Variants in NAALADL2 observed in about 807,000 individuals in gnomAD.
The protein encoded by NAALADL2 is N-acetylated alpha-linked acidic dipeptidase like 2.
NAALADL2 carries 76 observed loss-of-function variants against 87.2 expected under a neutral mutation model. The observed-to-expected ratio is 0.87, with a 90% CI of 0.72 to 1.05. The LOEUF is 1.05. Among genes scored for constraint, NAALADL2 ranks in the 50% least tolerant of loss-of-function variants. NAALADL2 has a pLI of 0.00. For synonymous variants in NAALADL2, 354 were observed against 331.0 expected (o/e 1.07, Z -0.75); for missense variants, 1,089 against 945.8 (o/e 1.15, Z -1.99).
intron 4 of NAALADL2, among the ~76,000 whole-genome samples, chr3:175,293,444 C>G (rs1461516038): frequency 6.6e-6 from 1 of 152,128 alleles, no homozygotes; most frequent in Non-Finnish European, 1.5e-5. Flanking sequence ...GATGGGCAAA[C>G]TGTTTTTTCT....
chr3:175,679,026 T>A lies in NAALADL2; in HGVS notation c.1896+51640T>A, dbSNP rs114509256. 8.4e-4 allele frequency among the ~76,000 whole-genome samples: 127 copies of A among 151,364 alleles called. 1 individual carries two copies. The highest frequency in any genetic ancestry group is 2.9e-3 in the African/African-American group (121 of 41,234). On this transcript the variant is annotated intron_variant, in intron 11 of 13. Transcript: ENST00000454872. The stretch of plus-strand genomic sequence containing the variant: ...TAAAGGAAAATTCAGTCAAAGGGGG[T>A]TGTTCTCTAGCTGGTAGGGGTGGGG...
At chr3:175,567,609 A>G (rs867840960) in intron 9 of NAALADL2, among the ~76,000 whole-genome samples, 14 of 152,280 alleles carry the variant, frequency 9.2e-5, no homozygotes, top group Admixed American at 1.3e-4. Context: ...AAAGCTGAAA[A>G]TACTTTTTGT....
intron 2 of NAALADL2, among the ~76,000 whole-genome samples, chr3:174,690,816 T>C (rs1728505968): frequency 6.6e-6 from 1 of 152,184 alleles, no homozygotes; most frequent in Admixed American, 6.5e-5. Context: ...CAAATAATTT[T>C]TTAAAAGTAC....
intron 4 of NAALADL2, among the ~76,000 whole-genome samples, chr3:175,317,018 G>A (rs978787879): frequency 6.6e-6 from 1 of 152,162 alleles, no homozygotes; most frequent in African/African-American, 2.4e-5. Flanking sequence ...CAGTGGAAGA[G>A]GGAGCTAAAT....
At chr3:174,720,356 G>C (rs1731591755) in intron 2 of NAALADL2, among the ~76,000 whole-genome samples, 1 of 151,994 alleles carries the variant, frequency 6.6e-6, no homozygotes, top group African/African-American at 2.4e-5. Context: ...ATATTTCTTA[G>C]TAACAAAGTA....
At chr3:174,639,066 T>C (rs1182922600) in intron 2 of NAALADL2, among the ~76,000 whole-genome samples, 1 of 152,200 alleles carries the variant, frequency 6.6e-6, no homozygotes, top group Non-Finnish European at 1.5e-5. Context: ...TGTCATCTCT[T>C]GTCTCCCTCT....
At chr3:175,787,300 C>A (rs1006949928) in intron 13 of NAALADL2, among the ~76,000 whole-genome samples, 5 of 152,132 alleles carry the variant, frequency 3.3e-5, no homozygotes, top group South Asian at 2.1e-4. Flanking sequence ...GGCGGGTGCC[C>A]CTCCCCCAGC....
At chr3:174,520,565 T>A (rs151230633) in intron 1 of NAALADL2, among the ~76,000 whole-genome samples, 1 of 152,250 alleles carries the variant, frequency 6.6e-6, no homozygotes, top group African/African-American at 2.4e-5. Flanking sequence ...TTAAGTTGGA[T>A]TAAAGACTTA....
intron 2 of NAALADL2, among the ~76,000 whole-genome samples, chr3:174,700,453 C>T (rs572871836): frequency 1.3e-4 from 20 of 152,036 alleles, no homozygotes; most frequent in South Asian, 1.0e-3. Flanking sequence ...CAAAGCTAAC[C>T]GTTTAAAATC....
intron 9 of NAALADL2, among the ~76,000 whole-genome samples, chr3:175,490,905 A>G (rs538717181): frequency 6.6e-6 from 1 of 152,294 alleles, no homozygotes; most frequent in Non-Finnish European, 1.5e-5. Flanking sequence ...TCAAACCAAG[A>G]CTATGCACTT....
chr3:175,163,772 T>G (rs928819437), intron 2 of NAALADL2, among the ~76,000 whole-genome samples: 2 of 152,192 alleles, frequency 1.3e-5, no homozygotes, highest in Non-Finnish European at 2.9e-5. Context: ...TGTGCTTCAT[T>G]GCACCTTTTG....
At chr3:175,281,853 T>A (rs1335144159) in intron 4 of NAALADL2, among the ~76,000 whole-genome samples, 4 of 152,026 alleles carry the variant, frequency 2.6e-5, no homozygotes, top group Non-Finnish European at 4.4e-5. Context: ...ATGCTCAACT[T>A]CTTCTCTGTC....
intron 1 of NAALADL2, among the ~76,000 whole-genome samples, chr3:175,088,142 A>T (rs1007188778): frequency 6.6e-6 from 1 of 152,208 alleles, no homozygotes; most frequent in African/African-American, 2.4e-5. Flanking sequence ...ACTGAATCGT[A>T]TAATGGTAGT....
At chr3:175,745,404 A>C (rs11707906) in intron 12 of NAALADL2, among the ~76,000 whole-genome samples, 1 of 152,112 alleles carries the variant, frequency 6.6e-6, no homozygotes, top group African/African-American at 2.4e-5. Context: ...CTCAGTATCC[A>C]TGGAGAATTG....
chr3:174,750,956 A>G (rs1020855881), intron 3 of NAALADL2, among the ~76,000 whole-genome samples: 1 of 152,114 alleles, frequency 6.6e-6, no homozygotes, highest in Admixed American at 6.6e-5. Flanking sequence ...AATTGTATGC[A>G]TATATTCACA....
intron 3 of NAALADL2, among the ~76,000 whole-genome samples, chr3:174,753,208 G>A (rs1329899116): frequency 2.0e-5 from 3 of 152,054 alleles, no homozygotes; most frequent in Non-Finnish European, 4.4e-5. Context: ...CAAGTAGCTG[G>A]TATTACAGGC....
intron 13 of NAALADL2, among the ~76,000 whole-genome samples, chr3:175,756,556 G>C (rs553468247): frequency 6.6e-6 from 1 of 152,264 alleles, no homozygotes; most frequent in East Asian, 1.9e-4. Flanking sequence ...ATTATCCTAA[G>C]TGAAATAACT....
At chr3:174,671,614 A>T (rs575613498) in intron 2 of NAALADL2, among the ~76,000 whole-genome samples, 7 of 152,236 alleles carry the variant, frequency 4.6e-5, no homozygotes, top group Admixed American at 6.5e-5. Flanking sequence ...AAAATATGTC[A>T]AAAATACTAT....
At chr3:175,448,816 TCTC>T (rs1282824143) in intron 6 of NAALADL2, among the ~76,000 whole-genome samples, 1 of 151,774 alleles carries the variant, frequency 6.6e-6, no homozygotes, top group Non-Finnish European at 1.5e-5. Context: ...CTGAAGCAAT[TCTC>T]CTACCTCAGC....
Sources: gnomAD v4.1 joint callset for allele counts (sites outside exome capture counted in the v4.1 genomes callset) on GRCh38, gnomAD v4.1.1 for gene constraint, MANE v1.5 for transcripts, NCBI Gene and HGNC (gene_info 2026-07-23, HGNC 2026-07-21) for gene names.